Variants in GABPB1 observed in about 807,000 individuals in gnomAD.
GABPB1 encodes the protein GA-binding protein subunit beta-1.
A neutral mutation model predicts 45.9 loss-of-function variants in GABPB1; 15 were observed. That is an observed-to-expected ratio of 0.33 (90% CI 0.22 to 0.50). GABPB1 has a LOEUF of 0.50. Ranked by LOEUF, GABPB1 falls within the 20% of genes least tolerant of loss-of-function variation. The probability of loss-of-function intolerance (pLI) is 0.98; values close to 1 mark genes in which losing one functional copy is unlikely to be tolerated. For missense variants in GABPB1, 252 were observed against 457.5 expected (o/e 0.55, Z 4.10); for synonymous variants, 143 against 154.4 (o/e 0.93, Z 0.55).
rs545213489 is a variant in GABPB1, at chr15:50,295,064, G to A, written c.698-5396C>T. On this transcript the variant is annotated intron_variant, in intron 6 of 8. Coordinates refer to ENST00000380877, the MANE Select transcript of GABPB1 (RefSeq NM_016654.5). ...ATGAAAAAATATTTTTAAAGGGCCA[G>A]ATAACTACACTACAGATGTAAGGCC... 2.0e-5 allele frequency among the ~76,000 whole-genome samples: 3 copies of A among 152,266 alleles called. No individual in the cohort carries two copies. The South Asian group carries it at 6.2e-4, about 32-fold the overall frequency.
At chr15:50,300,429 G>GTTGTTTTTTTTTT (rs2046686919) in intron 6 of GABPB1, among the ~76,000 whole-genome samples, 1 of 72,176 alleles carries the variant, frequency 1.4e-5, no homozygotes. Flanking sequence ...ATCTGCAACT[G>GTTGTTTTTTTTTT]TTTTTGGTTT....
chr15:50,300,730 C>T, intron 6 of GABPB1, 59 bp downstream of exon 6: 1 of 1,066,528 alleles, frequency 9.4e-7, no homozygotes, highest in Non-Finnish European at 1.5e-6. Flanking sequence ...CAGGTGTGAG[C>T]CACGGCACCC....
chr15:50,276,922 T>C lies in GABPB1; in HGVS notation c.*1710A>G, dbSNP rs1471656650. 1 of 152,244 alleles carries C rather than the reference T, an allele frequency of 6.6e-6. No individual in the cohort carries two copies. Among genetic ancestry groups the C allele is most frequent in the Admixed American group, 6.5e-5 (1 of 15,286 alleles). 9.4% of individuals were successfully genotyped at this position (152,244 alleles called of 1,614,324 possible). A position where few individuals can be genotyped will look rare whatever the true frequency, so the allele number is the denominator to read the frequency against. ...TGGCCTGGCATTTTTAAAAACTAGT[T>C]TTTGGATCACTTAAAATATGTCAAA... On this transcript the variant is annotated 3_prime_UTR_variant, in exon 9 of 9. Coordinates refer to ENST00000380877, the MANE Select transcript of GABPB1 (RefSeq NM_016654.5).
rs1428981725 is a variant in GABPB1 at position 50,278,013 on chromosome 15, T to C, written c.*619A>G. 6.6e-6 allele frequency: 1 copy of C among 152,578 alleles called. No individual in the cohort carries two copies. Among genetic ancestry groups the C allele is most frequent in the African/African-American group, 2.4e-5 (1 of 41,472 alleles). The allele number at this position is 152,578 out of a possible 1,614,324, so 9.5% of individuals were successfully genotyped here. A position where few individuals can be genotyped will look rare whatever the true frequency, so the allele number is the denominator to read the frequency against. Reference sequence around the variant, plus strand: ...ATGTAAGTGATGCATTTTGAAATTATAAAACATGCAGAATATGTACAAACA... The same window carrying C: ...ATGTAAGTGATGCATTTTGAAATTACAAAACATGCAGAATATGTACAAACA... On this transcript the variant is annotated 3_prime_UTR_variant, in exon 9 of 9. Coordinates refer to ENST00000380877, the MANE Select transcript of GABPB1 (RefSeq NM_016654.5).
intron 1 of GABPB1, among the ~76,000 whole-genome samples, chr15:50,318,861 T>C (rs902886446): frequency 2.2e-4 from 33 of 152,248 alleles, no homozygotes; most frequent in African/African-American, 8.0e-4. Flanking sequence ...TACATGTCTC[T>C]TGTACAGTTT....
chr15:50,280,383 G>C (rs913891013), intron 8 of GABPB1, among the ~76,000 whole-genome samples: 8 of 152,170 alleles, frequency 5.3e-5, no homozygotes, highest in African/African-American at 1.9e-4. Flanking sequence ...GTGAGGGGTG[G>C]AAGGTTGGAT....
At chr15:50,353,296 T>A (rs756944693) in intron 1 of GABPB1, 5 of 152,212 alleles carry the variant, frequency 3.3e-5, no homozygotes, top group Non-Finnish European at 7.3e-5. Flanking sequence ...TGGGAATCAA[T>A]CTTATTCAGT....
intron 1 of GABPB1, among the ~76,000 whole-genome samples, chr15:50,324,119 C>T (rs575813690): frequency 6.6e-6 from 1 of 152,208 alleles, no homozygotes; most frequent in Non-Finnish European, 1.5e-5. Flanking sequence ...GGGAGGATCA[C>T]CTGAGCCCAG....
chr15:50,344,667 C>T (rs2048499441), intron 1 of GABPB1, among the ~76,000 whole-genome samples: 1 of 151,966 alleles, frequency 6.6e-6, no homozygotes, highest in Non-Finnish European at 1.5e-5. Context: ...GGAGAAATCC[C>T]ATCTCTACTA....
chr15:50,353,745 G>A (rs1405826602), intron 1 of GABPB1: 1 of 152,252 alleles, frequency 6.6e-6, no homozygotes, highest in African/African-American at 2.4e-5. Context: ...CTACAGGAAA[G>A]AATGACCACT....
chr15:50,283,651 C>G (rs1200015044), intron 8 of GABPB1, among the ~76,000 whole-genome samples: 2 of 152,112 alleles, frequency 1.3e-5, no homozygotes, highest in African/African-American at 4.8e-5. Flanking sequence ...GCTGTGACTA[C>G]AGGTGCGTGC....
rs747453219 is a variant in GABPB1, at chr15:50,303,048, C to G, written c.352G>C (p.Glu118Gln). The G allele has an allele frequency of 1.9e-6, 3 of 1,613,876 alleles. No homozygotes were observed. The highest frequency in any genetic ancestry group is 2.5e-6 in the Non-Finnish European group (3 of 1,179,988). Residue 118 changes from glutamate to glutamine, a missense_variant, in exon 4 of 9, where the codon GAG becomes CAG. Coordinates refer to ENST00000380877, the MANE Select transcript of GABPB1 (RefSeq NM_016654.5). The part of the protein sequence containing the change: ...LHWATEHNHQ[E>Q]VVELLIKYGA... ...TATTTGATTAAAAGTTCCACCACCT[C>G]TTGATGATTGTGTTCTGTGGCCCAA...
At chr15:50,337,424 C>G (rs1286581337) in intron 1 of GABPB1, among the ~76,000 whole-genome samples, 5 of 151,870 alleles carry the variant, frequency 3.3e-5, no homozygotes, top group African/African-American at 9.7e-5. Context: ...CTAGTAAACT[C>G]TCTTCTCTTC....
intron 1 of GABPB1, among the ~76,000 whole-genome samples, chr15:50,338,297 C>T (rs971335794): frequency 1.3e-5 from 2 of 152,242 alleles, no homozygotes; most frequent in African/African-American, 4.8e-5. Flanking sequence ...ACCTCGACCT[C>T]CCAAAGTGCT....
rs2046734672 is a variant in GABPB1 at position 50,301,277 on chromosome 15, C to G, written c.563G>C (p.Gly188Ala). Residue 188 changes from glycine to alanine, a missense_variant, in exon 5 of 9, where the codon GGA becomes GCA. By Grantham distance (60) the Gly-to-Ala change is moderately conservative (BLOSUM62 0). Around this residue, in one of 4 missense-constraint regions of GABPB1, gnomAD observed 193 missense variants for 259.9 expected, o/e 0.74. Transcript: ENST00000380877. ...CAGACCTGTTAGGTTCACCACCCCT[C>G]CAGGTCCAATGATAAACTGTGGTGT... Reference protein sequence around the residue: ...AATPQFIIGPGGVVNLTDETG... With the variant: ...AATPQFIIGPAGVVNLTDETG... 3 of 1,613,992 alleles carry G rather than the reference C, an allele frequency of 1.9e-6. No individual in the cohort carries two copies. The East Asian group carries it at 6.7e-5, about 36-fold the overall frequency.
intron 1 of GABPB1, among the ~76,000 whole-genome samples, chr15:50,333,704 T>C (rs915525984): frequency 6.6e-6 from 1 of 152,174 alleles, no homozygotes; most frequent in Non-Finnish European, 1.5e-5. Flanking sequence ...AGTAGACATT[T>C]CACTGTCTGC....
chr15:50,281,389 T>C (rs1335796444), intron 8 of GABPB1, among the ~76,000 whole-genome samples: 2 of 151,982 alleles, frequency 1.3e-5, no homozygotes, highest in Admixed American at 1.3e-4. Context: ...TTTTTTGTAT[T>C]TTTAGTAGAG....
At chr15:50,332,456 T>C (rs1235230317) in intron 1 of GABPB1, among the ~76,000 whole-genome samples, 1 of 152,162 alleles carries the variant, frequency 6.6e-6, no homozygotes. Context: ...CCAAATATAA[T>C]TTTTTAAATC....
chr15:50,301,065 T>C (rs568673045), intron 5 of GABPB1, 163 bp from the exon 6 acceptor site: 3 of 878,170 alleles, frequency 3.4e-6, no homozygotes, highest in South Asian at 1.7e-5. Flanking sequence ...TTCTTCAGAT[T>C]GTTTTGTCTC....
Sources: gnomAD v4.1 joint callset for allele counts (sites outside exome capture counted in the v4.1 genomes callset) on GRCh38, gnomAD v4.1.1 for gene constraint, gnomAD v4.1.1 regional missense constraint, MANE v1.5 for transcripts, NCBI Gene and HGNC (gene_info 2026-07-23, HGNC 2026-07-21) for gene names.